The following FRYL variants were observed in gnomAD, a reference collection of about 807,000 sequenced individuals.
FRYL encodes the protein FRY like transcription coactivator, also known as protein furry homolog-like.
FRYL carries 150 observed loss-of-function variants against 351.2 expected under a neutral mutation model. The ratio of observed to expected loss-of-function variants is 0.43; its 90% CI spans 0.37 to 0.49. The LOEUF (loss-of-function observed/expected upper bound fraction) is 0.49, where lower values mean the gene tolerates loss of function less well. Among genes scored for constraint, FRYL ranks in the 20% least tolerant of loss-of-function variants. The probability of loss-of-function intolerance (pLI) is 0.00; values close to 1 mark genes in which losing one functional copy is unlikely to be tolerated. For synonymous variants in FRYL, 1,153 were observed against 1,257.1 expected, an observed-to-expected ratio of 0.92 and a Z score of 1.75; for missense variants, 3,036 against 3,619.3, an observed-to-expected ratio of 0.84 and a Z score of 4.13.
At chr4:48,643,235 TGCTATGAA>T (rs1755682152) in intron 3 of FRYL, among the ~76,000 whole-genome samples, 1 of 152,206 alleles carries the variant, frequency 6.6e-6, no homozygotes, top group Non-Finnish European at 1.5e-5. Context: ...TTTCTCTGAC[TGCTATGAA>T]GCTGAGCAGA....
chr4:48,594,774 T>C (rs1396751334), intron 15 of FRYL, among the ~76,000 whole-genome samples: 1 of 152,178 alleles, frequency 6.6e-6, no homozygotes, highest in Non-Finnish European at 1.5e-5. Flanking sequence ...ATCACAGCAT[T>C]TTCCCATGTT....
chr4:48,703,327 A>AC (rs924266808), intron 2 of FRYL, among the ~76,000 whole-genome samples: 16 of 152,318 alleles, frequency 1.1e-4, no homozygotes, highest in Admixed American at 1.0e-3. Context: ...TTATAACTGA[A>AC]CAAATAGGCA....
At position 48,719,328 on chromosome 4, in the gene FRYL, C is replaced by G. The variant is rs147111341; in HGVS notation, c.-383-8630G>C. On this transcript the variant is annotated intron_variant, in intron 1 of 63. Transcript: ENST00000358350. ...CGCATGCTTTATTCCATGTGGAATG[C>G]CCTCCCTTCGTTTCTATGTATTGAA... Among the ~76,000 whole-genome samples the G allele has an allele frequency of 2.0e-5, 3 of 151,612 alleles. No individual in the cohort carries two copies. In the East Asian group the frequency reaches 5.8e-4, roughly 29 times the overall value.
chr4:48,712,309 A>G (rs1768164673), intron 1 of FRYL, among the ~76,000 whole-genome samples: 1 of 152,276 alleles, frequency 6.6e-6, no homozygotes, highest in East Asian at 1.9e-4. Context: ...CAAAGAAGTT[A>G]AAAACTTTGA....
chr4:48,722,234 C>CAA (rs1423097888), intron 1 of FRYL, among the ~76,000 whole-genome samples: 2 of 152,156 alleles, frequency 1.3e-5, no homozygotes, highest in Non-Finnish European at 2.9e-5. Flanking sequence ...GAAGCAGATA[C>CAA]TAAGTTGTGA....
intron 17 of FRYL, among the ~76,000 whole-genome samples, chr4:48,590,145 G>A (rs1742935577): frequency 6.6e-6 from 1 of 152,054 alleles, no homozygotes; most frequent in Non-Finnish European, 1.5e-5. Flanking sequence ...AGATTTAACT[G>A]GAAAACTCTT....
At chr4:48,613,816 C>T (rs1202583935) in intron 7 of FRYL, among the ~76,000 whole-genome samples, 17 of 151,948 alleles carry the variant, frequency 1.1e-4, no homozygotes, top group Admixed American at 3.3e-4. Context: ...ATTAGCCAGG[C>T]GTGGTAGCAC....
chr4:48,573,836 C>T lies in FRYL; in HGVS notation c.2847-593G>A, dbSNP rs544247916. On this transcript the variant is annotated intron_variant, in intron 25 of 63. Transcript: ENST00000358350. ...AAAGTGTTGGGATTACAGGTGTGAG[C>T]CACCGCGCCTGGCCTATTTTTCTTT... Among the ~76,000 whole-genome samples the T allele has an allele frequency of 1.6e-3, 237 of 152,326 alleles. 1 individual carries two copies. The highest frequency in any genetic ancestry group is 5.5e-3 in the African/African-American group (229 of 41,564).
intron 2 of FRYL, among the ~76,000 whole-genome samples, chr4:48,706,261 T>C (rs1212940132): frequency 1.3e-5 from 2 of 152,214 alleles, no homozygotes; most frequent in African/African-American, 2.4e-5. Context: ...TATCAGTTGA[T>C]GGATGGATAA....
intron 1 of FRYL, among the ~76,000 whole-genome samples, chr4:48,765,844 A>AT (rs765321873): frequency 4.6e-5 from 7 of 152,238 alleles, no homozygotes; most frequent in Non-Finnish European, 1.0e-4. Context: ...CAGAATAGGT[A>AT]TTTTTCCAAA....
Position 48,525,196 on chromosome 4 carries a change from T to TATATATAC in FRYL, c.7318-2093_7318-2092insGTATATAT, listed in dbSNP as rs759279145. On this transcript the variant is annotated intron_variant, in intron 53 of 63. Coordinates refer to ENST00000358350, the MANE Select transcript of FRYL (RefSeq NM_015030.2). ...ATATATATATATATATATATATATA[T>TATATATAC]ACACACACTTGGATGTGATGTAAAA... Among the ~76,000 whole-genome samples the TATATATAC allele has an allele frequency of 4.3e-3, 575 of 132,810 alleles. 2 individuals are homozygous for TATATATAC. Among genetic ancestry groups the TATATATAC allele is most frequent in the East Asian group, 8.3e-3 (38 of 4,592 alleles). 87.1% of individuals were successfully genotyped at this position (132,810 alleles called of 152,430 possible).
intron 4 of FRYL, among the ~76,000 whole-genome samples, chr4:48,627,642 G>A (rs1035432265): frequency 6.6e-5 from 10 of 152,174 alleles, no homozygotes; most frequent in African/African-American, 2.4e-4. Context: ...AATAAAAACA[G>A]AAAAACAGAA....
chr4:48,709,587 T>C (rs187133927), intron 2 of FRYL, among the ~76,000 whole-genome samples: 8 of 152,172 alleles, frequency 5.3e-5, no homozygotes, highest in African/African-American at 1.7e-4. Flanking sequence ...GAAGAAAACA[T>C]AGCCTCAAAA....
At chr4:48,607,382 T>C (rs557366279) in intron 9 of FRYL, among the ~76,000 whole-genome samples, 1 of 152,182 alleles carries the variant, frequency 6.6e-6, no homozygotes, top group South Asian at 2.1e-4. Context: ...GATACATGAC[T>C]GAAATATAAC....
At chr4:48,703,399 A>AC (rs1269214696) in intron 2 of FRYL, among the ~76,000 whole-genome samples, 1 of 151,928 alleles carries the variant, frequency 6.6e-6, no homozygotes, top group Non-Finnish European at 1.5e-5. Flanking sequence ...CTTCTACGTG[A>AC]CCCCCTCCAA....
chr4:48,714,141 C>T (rs376850883), intron 1 of FRYL, among the ~76,000 whole-genome samples: 122 of 152,104 alleles, frequency 8.0e-4, no homozygotes, highest in African/African-American at 2.7e-3. Flanking sequence ...GGGAAATTTA[C>T]AGCACTAAAT....
At chr4:48,774,615 G>A (rs1340679026) in intron 1 of FRYL, among the ~76,000 whole-genome samples, 6 of 150,854 alleles carry the variant, frequency 4.0e-5, no homozygotes, top group Non-Finnish European at 7.4e-5. Flanking sequence ...GCGTGATCTC[G>A]GCTCACTGCA....
At chr4:48,554,627 C>T (rs180987003) in intron 35 of FRYL, among the ~76,000 whole-genome samples, 2 of 152,348 alleles carry the variant, frequency 1.3e-5, no homozygotes, top group East Asian at 1.9e-4. Flanking sequence ...GCGTGAGCCA[C>T]AGCACCAGGC....
At chr4:48,771,886 T>C (rs1227863594) in intron 1 of FRYL, among the ~76,000 whole-genome samples, 1 of 152,146 alleles carries the variant, frequency 6.6e-6, no homozygotes, top group Non-Finnish European at 1.5e-5. Flanking sequence ...GCAGGCATAA[T>C]GAGAGCAAAC....
Sources: allele counts gnomAD v4.1 joint callset (sites outside exome capture counted in the v4.1 genomes callset), GRCh38; gene constraint gnomAD v4.1.1; transcripts MANE v1.5; gene names NCBI Gene and HGNC (gene_info 2026-07-23, HGNC 2026-07-21).